The following LYRM4 variants were observed in gnomAD, a reference collection of about 807,000 sequenced individuals.
LYRM4 encodes the protein LYR motif containing 4.
Under a neutral mutation model 11.7 loss-of-function variants are expected in LYRM4, and 9 were observed. That is an observed-to-expected ratio of 0.77 (90% CI 0.46 to 1.34). The LOEUF (loss-of-function observed/expected upper bound fraction) is 1.34. Ranked by LOEUF, LYRM4 falls within the 40% of genes most tolerant of loss-of-function variation. The pLI, the probability that LYRM4 is intolerant of heterozygous loss-of-function variation, is 0.00. For synonymous variants in LYRM4, 42 were observed against 40.4 expected (o/e 1.04, Z -0.15); for missense variants, 133 against 112.5 (o/e 1.18, Z -0.82).
intron 2 of LYRM4, among the ~76,000 whole-genome samples, chr6:5,211,318 A>G (rs1484431744): frequency 6.6e-6 from 1 of 152,200 alleles, no homozygotes; most frequent in Non-Finnish European, 1.5e-5. Flanking sequence ...ACAACAGCAC[A>G]TTCAAACACT....
chr6:5,248,232 TTC>T (rs1764279261), intron 1 of LYRM4, among the ~76,000 whole-genome samples: 2 of 152,364 alleles, frequency 1.3e-5, no homozygotes, highest in Admixed American at 1.3e-4. Flanking sequence ...GGCCAGCTAA[TTC>T]TGTTTATCAA....
At chr6:5,239,742 G>C (rs1257164718) in intron 1 of LYRM4, among the ~76,000 whole-genome samples, 1 of 152,172 alleles carries the variant, frequency 6.6e-6, no homozygotes, top group Non-Finnish European at 1.5e-5. Context: ...ATTCCCACCA[G>C]CTGCAGGCTG....
intron 2 of LYRM4, among the ~76,000 whole-genome samples, chr6:5,170,523 C>T (rs180774850): frequency 9.2e-5 from 14 of 152,054 alleles, no homozygotes; most frequent in African/African-American, 2.9e-4. Context: ...ATTTTTGAGA[C>T]GGAGTCTCGC....
the LYRM4 span, among the ~76,000 whole-genome samples, chr6:5,090,253 A>C: frequency 5.9e-5 from 9 of 152,218 alleles, no homozygotes; most frequent in Admixed American, 5.9e-4. This position sits in a 1 kb window ranked among gnomAD's most constrained non-coding sequence, Gnocchi z 4.8. Flanking sequence ...CTTATTGGCA[A>C]GTGTGTCCAT....
chr6:5,201,206 T>A (rs1467283611), intron 2 of LYRM4, among the ~76,000 whole-genome samples: 2 of 152,050 alleles, frequency 1.3e-5, no homozygotes, highest in African/African-American at 4.8e-5. Context: ...TTCCTTTAGT[T>A]TTCTTTTGCC....
chr6:5,158,135 G>C (rs4960071), intron 2 of LYRM4, among the ~76,000 whole-genome samples: 1 of 152,184 alleles, frequency 6.6e-6, no homozygotes, highest in Non-Finnish European at 1.5e-5. Flanking sequence ...ATGTCTGTGC[G>C]TGTGTGTACA....
At chr6:5,202,119 T>A in intron 2 of LYRM4, among the ~76,000 whole-genome samples, 1 of 152,264 alleles carries the variant, frequency 6.6e-6, no homozygotes, top group African/African-American at 2.4e-5. Flanking sequence ...TTTTTGCAGG[T>A]GCTCAATTAA....
the LYRM4 span, among the ~76,000 whole-genome samples, chr6:5,047,560 A>C: frequency 6.6e-6 from 1 of 152,212 alleles, no homozygotes; most frequent in Non-Finnish European, 1.5e-5. Flanking sequence ...GTGATGATGC[A>C]TTCTTTTATT....
chr6:5,239,752 G>C (rs1274212061), intron 1 of LYRM4, among the ~76,000 whole-genome samples: 1 of 152,188 alleles, frequency 6.6e-6, no homozygotes, highest in East Asian at 1.9e-4. Context: ...GCTGCAGGCT[G>C]TCAGGGTATC....
chr6:5,216,546 T>G, intron 2 of LYRM4, 72 bp downstream of exon 2: 1 of 1,572,464 alleles, frequency 6.4e-7, no homozygotes, highest in Non-Finnish European at 8.7e-7. Context: ...AAAGCACGGC[T>G]GTCTAATCAA....
chr6:5,168,121 A>C (rs1330162284), intron 2 of LYRM4, among the ~76,000 whole-genome samples: 3 of 147,812 alleles, frequency 2.0e-5, no homozygotes, highest in African/African-American at 2.6e-5. Context: ...AAAAAAAAAA[A>C]CAAAAAACAG....
the LYRM4 span, among the ~76,000 whole-genome samples, chr6:5,039,104 G>C: frequency 2.0e-5 from 3 of 151,646 alleles, no homozygotes; most frequent in East Asian, 5.8e-4. Context: ...CCACAATACA[G>C]TATTTATTTT....
At chr6:5,250,640 T>A (rs1581601339) in intron 1 of LYRM4, among the ~76,000 whole-genome samples, 2 of 152,220 alleles carry the variant, frequency 1.3e-5, no homozygotes, top group African/African-American at 4.8e-5. Context: ...TGGAGCATTG[T>A]TGAAGAGGTC....
intron 1 of LYRM4, among the ~76,000 whole-genome samples, chr6:5,238,443 T>C (rs1345816157): frequency 6.6e-6 from 1 of 152,228 alleles, no homozygotes; most frequent in Admixed American, 6.5e-5. Flanking sequence ...TTAGAGGATT[T>C]GTGTTTAAAG....
intron 1 of LYRM4, among the ~76,000 whole-genome samples, chr6:5,224,286 AACAG>A (rs953867164): frequency 6.6e-6 from 1 of 152,240 alleles, no homozygotes; most frequent in African/African-American, 2.4e-5. Context: ...AGAGTGATGA[AACAG>A]ACAGATATAG....
chr6:5,227,514 T>C (rs1301795270), intron 1 of LYRM4, among the ~76,000 whole-genome samples: 2 of 152,220 alleles, frequency 1.3e-5, no homozygotes, highest in African/African-American at 4.8e-5. Context: ...GGAATGCTTT[T>C]ATACTGTTGG....
intron 2 of LYRM4, chr6:5,136,221 C>T (rs914810938): frequency 2.2e-6 from 2 of 930,174 alleles, no homozygotes; most frequent in Middle Eastern, 5.4e-4. Context: ...CCTTTTGAGT[C>T]CCTGCTTTCA....
intron 2 of LYRM4, among the ~76,000 whole-genome samples, chr6:5,110,589 G>A (rs452908): frequency 0.59 from 90,359 of 151,972 alleles, 27,826 homozygotes; most frequent in East Asian, 0.92. Context: ...AGGAAGAGGC[G>A]AGAGCAGCAC....
intron 2 of LYRM4, among the ~76,000 whole-genome samples, chr6:5,116,598 C>T (rs990907347): frequency 1.3e-5 from 2 of 152,228 alleles, no homozygotes; most frequent in African/African-American, 4.8e-5. Flanking sequence ...GCAATTAACA[C>T]CTTCAAGTTA....
Sources: gnomAD v4.1 joint callset for allele counts (sites outside exome capture counted in the v4.1 genomes callset) on GRCh38, gnomAD v4.1.1 for gene constraint, Gnocchi (gnomAD v3.1) non-coding constraint, MANE v1.5 for transcripts, NCBI Gene and HGNC (gene_info 2026-07-23, HGNC 2026-07-21) for gene names.